Variants in MINDY4 observed in about 807,000 individuals in gnomAD.
The protein encoded by MINDY4 is MINDY lysine 48 deubiquitinase 4, also known as probable ubiquitin carboxyl-terminal hydrolase MINDY-4.
In MINDY4, 68 loss-of-function variants were observed where a neutral mutation model predicts 87.0. That is an observed-to-expected ratio of 0.78 (90% confidence interval 0.64 to 0.96). The LOEUF (loss-of-function observed/expected upper bound fraction) is 0.96. MINDY4 is among the 40% of genes least tolerant of loss of function. The pLI is 0.00. For missense variants in MINDY4, 919 were observed against 928.2 expected, an observed-to-expected ratio of 0.99 and a Z score of 0.13; for synonymous variants, 379 against 363.2, an observed-to-expected ratio of 1.04 and a Z score of -0.50.
At chr7:30,791,028 T>G in intron 4 of MINDY4, 137 bp from the exon 5 acceptor site, 1 of 904,904 alleles carries the variant, frequency 1.1e-6, no homozygotes, top group South Asian at 1.7e-5. Flanking sequence ...TAGGCAAGAT[T>G]TTAAGGGAAA....
chr7:30,892,135 C>T lies in MINDY4; in HGVS notation c.*130C>T. 1.1e-6 allele frequency: 1 copy of T among 951,422 alleles called. No homozygotes were observed. The highest frequency in any genetic ancestry group is 2.4e-5 in the East Asian group (1 of 41,226). 58.9% of individuals were successfully genotyped at this position (951,422 alleles called of 1,614,324 possible). ...GGGTCAGCATGACTGCAGAAGCATC[C>T]AGAGCCTCCCTGCCCCTTCCATGAA... On this transcript the variant is annotated 3_prime_UTR_variant, in exon 18 of 18. Coordinates refer to ENST00000265299, the MANE Select transcript of MINDY4 (RefSeq NM_032222.3).
At chr7:30,858,972 G>A in intron 12 of MINDY4, 1 of 668,830 alleles carries the variant, frequency 1.5e-6, no homozygotes, top group Middle Eastern at 2.4e-4. Context: ...AATGGAGCTG[G>A]CCATGACTGT....
At chr7:30,784,367 C>T (rs890607983) in intron 3 of MINDY4, among the ~76,000 whole-genome samples, 2 of 152,188 alleles carry the variant, frequency 1.3e-5, no homozygotes, top group African/African-American at 4.8e-5. Flanking sequence ...AGGCACTTTC[C>T]TTCTTTCCTC....
intron 12 of MINDY4, among the ~76,000 whole-genome samples, chr7:30,854,885 G>C (rs1789525734): frequency 6.6e-6 from 1 of 152,268 alleles, no homozygotes; most frequent in Non-Finnish European, 1.5e-5. Flanking sequence ...TCACCCCTCA[G>C]CCTGGGGAGA....
At chr7:30,880,858 A>G (rs1790445408) in intron 15 of MINDY4, among the ~76,000 whole-genome samples, 1 of 152,084 alleles carries the variant, frequency 6.6e-6, no homozygotes, top group South Asian at 2.1e-4. Context: ...CTGTCCCCCT[A>G]CCTTCTGGAG....
At chr7:30,882,148 C>A in intron 15 of MINDY4, 33 bp from the exon 16 acceptor site, 1 of 1,566,986 alleles carries the variant, frequency 6.4e-7, no homozygotes, top group Non-Finnish European at 8.7e-7. Context: ...TCCCTGGGGA[C>A]GGCATTTCAC....
In MINDY4 at chr7:30,880,083, A is replaced by G. The variant is rs576703414; in HGVS notation, c.1972-2098A>G. On this transcript the variant is annotated intron_variant, in intron 15 of 17. Transcript: ENST00000265299. ...CACTGTTCTTATTGTCTCTAGCACTATGTCCCCATTGCTGTTCCTTAGAAA... is the reference window on the plus strand; with the variant it reads ...CACTGTTCTTATTGTCTCTAGCACTGTGTCCCCATTGCTGTTCCTTAGAAA... Among the ~76,000 whole-genome samples, 509 of 152,286 alleles carry G rather than the reference A, an allele frequency of 3.3e-3. 4 individuals are homozygous for G. The highest frequency in any genetic ancestry group is 0.012 in the African/African-American group (486 of 41,570).
intron 5 of MINDY4, among the ~76,000 whole-genome samples, chr7:30,797,506 GC>G (rs1166818385): frequency 5.3e-5 from 8 of 152,200 alleles, no homozygotes. Context: ...AATGCCGACA[GC>G]AGTTGTGCAC....
Position 30,852,148 on chromosome 7 carries a change from T to C in MINDY4, c.1548-68T>C. ...GTCCTTATTTAATGACACATGTGGT[T>C]TCGCCCCGGCTGGAGGGCACGCCTT... On this transcript the variant is annotated intron_variant, in intron 10 of 17. Transcript: ENST00000265299. 3.8e-6 allele frequency: 6 copies of C among 1,587,010 alleles called. No homozygotes were observed. In the South Asian group the frequency reaches 5.7e-5, roughly 15 times the overall value.
intron 13 of MINDY4, among the ~76,000 whole-genome samples, chr7:30,862,796 C>T (rs1789807007): frequency 6.6e-6 from 1 of 152,244 alleles, no homozygotes; most frequent in South Asian, 2.1e-4. Flanking sequence ...AGCCGTGTGG[C>T]TAACCCAGCC....
intron 7 of MINDY4, among the ~76,000 whole-genome samples, chr7:30,837,802 G>C (rs1788905503): frequency 6.6e-6 from 1 of 152,204 alleles, no homozygotes; most frequent in South Asian, 2.1e-4. Context: ...CTGGAAAGCA[G>C]AGTCCAGGTT....
At chr7:30,806,523 G>C (rs1787810182) in intron 5 of MINDY4, among the ~76,000 whole-genome samples, 1 of 152,234 alleles carries the variant, frequency 6.6e-6, no homozygotes, top group South Asian at 2.1e-4. Flanking sequence ...TGAATAGATG[G>C]GGATTTTGTG....
At chr7:30,805,401 G>A (rs903241036) in intron 5 of MINDY4, among the ~76,000 whole-genome samples, 2 of 152,184 alleles carry the variant, frequency 1.3e-5, no homozygotes, top group Non-Finnish European at 2.9e-5. Context: ...TCAAGAGTGG[G>A]GCAGAAACGC....
chr7:30,771,654 C>T, intron 1 of MINDY4, 98 bp downstream of exon 1: 4 of 1,157,870 alleles, frequency 3.5e-6, no homozygotes, highest in Non-Finnish European at 3.7e-6. Flanking sequence ...GGAGGGCGCC[C>T]GTTCCCTACC....
At chr7:30,867,120 G>A (rs1307456706) in intron 13 of MINDY4, among the ~76,000 whole-genome samples, 2 of 152,152 alleles carry the variant, frequency 1.3e-5, no homozygotes, top group African/African-American at 4.8e-5. Flanking sequence ...AATGGAAAGC[G>A]ATTTACCAAA....
chr7:30,781,851 G>C, intron 2 of MINDY4, 126 bp from the exon 3 acceptor site: 2 of 671,948 alleles, frequency 3.0e-6, no homozygotes, highest in South Asian at 3.9e-5. Context: ...GTAAATGTTG[G>C]CTGAAAGCTT....
intron 17 of MINDY4, among the ~76,000 whole-genome samples, chr7:30,889,680 A>G (rs1790739426): frequency 6.6e-6 from 1 of 152,218 alleles, no homozygotes; most frequent in African/African-American, 2.4e-5. Context: ...AGCCCAGTAA[A>G]TAGTCTGAAG....
intron 17 of MINDY4, among the ~76,000 whole-genome samples, chr7:30,890,352 G>T (rs1306238757): frequency 3.9e-5 from 6 of 152,226 alleles, no homozygotes; most frequent in Admixed American, 3.9e-4. Flanking sequence ...ATTCCCCGAT[G>T]GTATGCACGA....
In MINDY4 at chr7:30,853,092, G is replaced by A. The variant is rs554478020; in HGVS notation, c.1612-302G>A. Among the ~76,000 whole-genome samples, 16 of 152,180 alleles carry A rather than the reference G, an allele frequency of 1.1e-4. No individual in the cohort carries two copies. In the East Asian group the frequency reaches 2.9e-3, roughly 28 times the overall value. On this transcript the variant is annotated intron_variant, in intron 11 of 17. Coordinates refer to ENST00000265299, the MANE Select transcript of MINDY4 (RefSeq NM_032222.3). The stretch of plus-strand genomic sequence containing the variant: ...GCCGCCTCTCTGATATCAGTGACTC[G>A]CCCATGGGGTGCAGCCCTCCCCTGT...
Sources: gnomAD v4.1 joint callset for allele counts (sites outside exome capture counted in the v4.1 genomes callset) on GRCh38, gnomAD v4.1.1 for gene constraint, MANE v1.5 for transcripts, NCBI Gene and HGNC (gene_info 2026-07-23, HGNC 2026-07-21) for gene names.